Variants in CENPU observed in about 807,000 individuals in gnomAD.
CENPU encodes the protein KSHV latent nuclear antigen interacting protein 1.
CENPU carries 46 observed loss-of-function variants against 56.7 expected under a neutral mutation model. The ratio of observed to expected loss-of-function variants is 0.81; its 90% CI spans 0.64 to 1.04. The LOEUF is 1.04. CENPU is among the 50% of genes least tolerant of loss of function. The pLI is 0.00. For missense variants in CENPU, 510 were observed against 490.1 expected (o/e 1.04, Z -0.38); for synonymous variants, 166 against 163.0 (o/e 1.02, Z -0.14).
At chr4:184,700,253 G>GCACT (rs1335259519) in intron 11 of CENPU, among the ~76,000 whole-genome samples, 2 of 152,066 alleles carry the variant, frequency 1.3e-5, no homozygotes, top group Admixed American at 1.3e-4. Flanking sequence ...ACTTGGGAGT[G>GCACT]GATTCACATG....
At chr4:184,708,171 T>A (rs1313513536) in intron 8 of CENPU, among the ~76,000 whole-genome samples, 10 of 137,556 alleles carry the variant, frequency 7.3e-5, no homozygotes, top group African/African-American at 2.7e-4. Flanking sequence ...TTGCAGGGAC[T>A]GAGATCGCGC....
chr4:184,730,926 C>A lies in CENPU; in HGVS notation c.90G>T (p.Met30Ile). Residue 30 changes from methionine (M) to isoleucine (I), a missense_variant, in exon 2 of 13, where the codon ATG (methionine) becomes ATT (isoleucine). Met to Ile is a conservative substitution (Grantham distance 10, BLOSUM62 1). Coordinates refer to ENST00000281453, the MANE Select transcript of CENPU (RefSeq NM_024629.4). Reference protein sequence around the residue: ...SKNTLERTHSMKDKAGQKCKP... With the variant: ...SKNTLERTHSIKDKAGQKCKP... The stretch of plus-strand genomic sequence containing the variant: ...ACACAAAAAGGTAACTTACATCTTT[C>A]ATGGAATGTGTTCTTTCTAAAGTGT... The A allele has an allele frequency of 6.3e-7, 1 of 1,579,512 alleles. No individual in the cohort carries two copies. The highest frequency in any genetic ancestry group is 8.5e-7 in the Non-Finnish European group (1 of 1,170,066).
At chr4:184,726,081 T>A (rs1000084740) in intron 3 of CENPU, among the ~76,000 whole-genome samples, 2 of 152,192 alleles carry the variant, frequency 1.3e-5, no homozygotes, top group South Asian at 4.1e-4. Flanking sequence ...ACTAAACAGC[T>A]GCTTAAATAA....
intron 6 of CENPU, among the ~76,000 whole-genome samples, chr4:184,714,559 G>C (rs1341751981): frequency 2.0e-5 from 3 of 152,302 alleles, no homozygotes; most frequent in African/African-American, 7.2e-5. Context: ...TAATTGTTAA[G>C]TAGAATGTAT....
chr4:184,700,095 C>T (rs877276), intron 11 of CENPU, among the ~76,000 whole-genome samples: 27,141 of 152,238 alleles, frequency 0.18, 2,726 homozygotes, highest in African/African-American at 0.26. Flanking sequence ...ACATCTAGCA[C>T]TGTTTTACTA....
intron 3 of CENPU, among the ~76,000 whole-genome samples, chr4:184,728,393 T>C (rs924426034): frequency 6.6e-6 from 1 of 152,214 alleles, no homozygotes; most frequent in Non-Finnish European, 1.5e-5. Flanking sequence ...GCATTTTCTC[T>C]GTCATTTCTG....
rs781764327 is a variant in CENPU at position 184,713,006 on chromosome 4, T to C, written c.626A>G (p.Gln209Arg). The C allele has an allele frequency of 1.0e-5, 16 of 1,573,416 alleles. No individual in the cohort carries two copies. Among genetic ancestry groups the C allele is most frequent in the African/African-American group, 1.4e-5 (1 of 71,644 alleles). Residue 209 changes from glutamine to arginine, a missense_variant, in exon 7 of 13, where the codon CAG (glutamine) becomes CGG (arginine). Gln to Arg is a conservative substitution (Grantham distance 43, BLOSUM62 1). Transcript: ENST00000281453. ...GTCATGAGATATCTTCCCTTTTTTC[T>C]GAGTTTTCTACAAAAAAAAAAAGCA... is the stretch of plus-strand genomic sequence containing the variant. ...NLAIESQSKT[Q>R]KKGKISHDKR...
At chr4:184,715,242 G>A (rs6844146) in intron 6 of CENPU, among the ~76,000 whole-genome samples, 27,117 of 152,034 alleles carry the variant, frequency 0.18, 2,721 homozygotes, top group African/African-American at 0.26. Flanking sequence ...ATTCAATTAA[G>A]CCCAAATGAA....
intron 2 of CENPU, among the ~76,000 whole-genome samples, chr4:184,729,697 C>A (rs2150231922): frequency 6.6e-6 from 1 of 152,296 alleles, no homozygotes; most frequent in Non-Finnish European, 1.5e-5. Flanking sequence ...CGGAAATATG[C>A]CCATATACCC....
intron 8 of CENPU, among the ~76,000 whole-genome samples, chr4:184,708,339 T>A (rs1760801551): frequency 6.6e-6 from 1 of 151,402 alleles, no homozygotes; most frequent in Non-Finnish European, 1.5e-5. Flanking sequence ...TTAGCAAATC[T>A]AATTTCTTAG....
chr4:184,726,640 G>GTTT (rs577199071), intron 3 of CENPU, among the ~76,000 whole-genome samples: 132 of 152,230 alleles, frequency 8.7e-4, no homozygotes, highest in Admixed American at 2.2e-3. Flanking sequence ...GTCCAAAAGA[G>GTTT]GAGAAAGCAG....
rs192166716 is a variant in CENPU, at chr4:184,709,316, G to A, written c.797+756C>T. Among the ~76,000 whole-genome samples, 295 of 152,094 alleles carry A rather than the reference G, an allele frequency of 1.9e-3. 3 individuals carry two copies. The highest frequency in any genetic ancestry group is 6.6e-3 in the African/African-American group (272 of 41,506). On this transcript the variant is annotated intron_variant, in intron 8 of 12. Transcript: ENST00000281453. ...ATCCTGGCCAACATGGTGAAACCCTGTCTCTACTAAAAATGCAAAAATTAG... is the reference window on the plus strand; with the variant it reads ...ATCCTGGCCAACATGGTGAAACCCTATCTCTACTAAAAATGCAAAAATTAG...
intron 5 of CENPU, 47 bp downstream of exon 5, chr4:184,717,089 C>T: frequency 7.8e-7 from 1 of 1,279,136 alleles, no homozygotes; most frequent in Non-Finnish European, 1.1e-6. Flanking sequence ...TGCATCCAAT[C>T]AAACTATATT....
chr4:184,716,771 C>T, intron 5 of CENPU, 138 bp from the exon 6 acceptor site: 1 of 683,556 alleles, frequency 1.5e-6, no homozygotes, highest in Non-Finnish European at 2.4e-6. Flanking sequence ...AGGAAGACGG[C>T]AACTTAATTA....
chr4:184,732,257 A>AT (rs1175459972), intron 1 of CENPU, among the ~76,000 whole-genome samples: 1 of 151,802 alleles, frequency 6.6e-6, no homozygotes, highest in Non-Finnish European at 1.5e-5. Context: ...TTAAAAAAAA[A>AT]AAGTTAGAAA....
chr4:184,704,023 G>T (rs78964023), intron 8 of CENPU, among the ~76,000 whole-genome samples: 1 of 152,090 alleles, frequency 6.6e-6, no homozygotes, highest in African/African-American at 2.4e-5. Context: ...ACATACTTAG[G>T]TATACTACAT....
chr4:184,709,989 A>T (rs1238699392), intron 8 of CENPU, 83 bp downstream of exon 8: 2 of 561,338 alleles, frequency 3.6e-6, no homozygotes, highest in Non-Finnish European at 3.1e-6. Flanking sequence ...AAAATAGTAC[A>T]TAACAAAAAC....
rs755734631 is a variant in CENPU, at chr4:184,717,134, AC to A, written c.381+1del. The A allele has an allele frequency of 6.9e-6, 11 of 1,604,262 alleles. No individual in the cohort carries two copies. Among genetic ancestry groups the A allele is most frequent in the Admixed American group, 1.7e-5 (1 of 59,972 alleles). On this transcript the variant is annotated splice_donor_variant, in intron 5 of 12. Coordinates refer to ENST00000281453, the MANE Select transcript of CENPU (RefSeq NM_024629.4). LOFTEE classifies it high-confidence loss of function. ...AGTAGAAGAGTGAATACTCCTACAT[AC>A]CTTTTTTGCACTAATTTTTACAGAT...
At chr4:184,711,298 A>G (rs1323253286) in intron 7 of CENPU, among the ~76,000 whole-genome samples, 2 of 152,168 alleles carry the variant, frequency 1.3e-5, no homozygotes, top group Non-Finnish European at 2.9e-5. Context: ...TAATTGACAC[A>G]TAGTAATTGT....
Sources: allele counts gnomAD v4.1 joint callset (sites outside exome capture counted in the v4.1 genomes callset), GRCh38; gene constraint gnomAD v4.1.1; transcripts MANE v1.5; gene names NCBI Gene and HGNC (gene_info 2026-07-23, HGNC 2026-07-21).